The following AHI1 variants were observed in gnomAD, a reference collection of about 807,000 sequenced individuals.
The protein encoded by AHI1 is jouberin.
A neutral mutation model predicts 149.3 loss-of-function variants in AHI1; 123 were observed. That is an observed-to-expected ratio of 0.82 (90% confidence interval 0.71 to 0.96). The LOEUF (loss-of-function observed/expected upper bound fraction) is 0.96, where lower values mean the gene tolerates loss of function less well. Ranked by LOEUF, AHI1 falls within the 40% of genes least tolerant of loss-of-function variation. The pLI is 0.00. For synonymous variants in AHI1, 475 were observed against 459.8 expected (o/e 1.03, Z -0.42); for missense variants, 1,439 against 1,422.7 (o/e 1.01, Z -0.18).
intron 22 of AHI1, among the ~76,000 whole-genome samples, chr6:135,398,354 T>C (rs1236946117): frequency 6.6e-6 from 1 of 152,032 alleles, no homozygotes; most frequent in Non-Finnish European, 1.5e-5. Flanking sequence ...AGTGAAGGAT[T>C]TGGAAGACAA....
intron 22 of AHI1, among the ~76,000 whole-genome samples, chr6:135,395,290 T>C (rs1422567692): frequency 6.6e-6 from 1 of 151,984 alleles, no homozygotes; most frequent in Non-Finnish European, 1.5e-5. Context: ...TAGCAAGTAC[T>C]TCCTTTTCAG....
intron 20 of AHI1, among the ~76,000 whole-genome samples, chr6:135,425,531 T>C (rs184016785): frequency 4.2e-4 from 64 of 151,964 alleles, no homozygotes; most frequent in Admixed American, 3.4e-3. Context: ...TTCAATATTG[T>C]GCTTATCAAT....
At chr6:135,331,933 T>C (rs533039955) in intron 24 of AHI1, among the ~76,000 whole-genome samples, 2 of 152,302 alleles carry the variant, frequency 1.3e-5, no homozygotes, top group Admixed American at 6.5e-5. Flanking sequence ...AAGTTTGTGG[T>C]AGTTTGCTAC....
intron 13 of AHI1, among the ~76,000 whole-genome samples, chr6:135,446,790 G>C (rs1787303517): frequency 6.6e-6 from 1 of 152,132 alleles, no homozygotes; most frequent in African/African-American, 2.4e-5. Flanking sequence ...TAATACAATT[G>C]CCCAAGTGCC....
chr6:135,404,251 T>C (rs113184838), intron 22 of AHI1, among the ~76,000 whole-genome samples: 2,167 of 152,270 alleles, frequency 0.014, 56 homozygotes, highest in African/African-American at 0.048. Context: ...AACACCTAAA[T>C]TAAAAGTTAC....
intron 21 of AHI1, among the ~76,000 whole-genome samples, chr6:135,405,587 C>T (rs755829339): frequency 2.6e-5 from 4 of 151,968 alleles, no homozygotes; most frequent in East Asian, 1.9e-4. Context: ...TGGCCGGGTA[C>T]GGTGGCTCAC....
intron 21 of AHI1, among the ~76,000 whole-genome samples, chr6:135,409,672 G>C (rs886557250): frequency 1.3e-5 from 2 of 152,080 alleles, no homozygotes; most frequent in Non-Finnish European, 2.9e-5. Context: ...AGGTAGCTTA[G>C]TTCCTATGTA....
chr6:135,393,555 C>T (rs549618677), intron 23 of AHI1, among the ~76,000 whole-genome samples: 67 of 152,192 alleles, frequency 4.4e-4, no homozygotes, highest in African/African-American at 1.4e-3. Flanking sequence ...GTACATGACG[C>T]AGCTCCACTG....
intron 23 of AHI1, among the ~76,000 whole-genome samples, chr6:135,373,590 A>C (rs1467719510): frequency 6.6e-6 from 1 of 152,208 alleles, no homozygotes; most frequent in Admixed American, 6.5e-5. Flanking sequence ...TTTGTAGAAA[A>C]TCAGATCATG....
intron 20 of AHI1, among the ~76,000 whole-genome samples, chr6:135,419,062 C>T (rs1380934964): frequency 2.6e-5 from 4 of 151,640 alleles, no homozygotes; most frequent in Non-Finnish European, 5.9e-5. Flanking sequence ...ATTCTGGTAG[C>T]CTGTGTTTCA....
chr6:135,412,197 A>T (rs946560342), intron 20 of AHI1, among the ~76,000 whole-genome samples: 1 of 152,198 alleles, frequency 6.6e-6, no homozygotes, highest in Non-Finnish European at 1.5e-5. Flanking sequence ...TACTATAAAA[A>T]ATACAGTATG....
intron 3 of AHI1, chr6:135,492,708 C>T (rs1197943110): frequency 1.0e-6 from 1 of 985,220 alleles, no homozygotes; most frequent in Admixed American, 6.1e-5. Flanking sequence ...GTGGGTAGCA[C>T]ACTCACAGTG....
At chr6:135,343,110 A>G (rs1393558017) in intron 24 of AHI1, among the ~76,000 whole-genome samples, 3 of 152,042 alleles carry the variant, frequency 2.0e-5, no homozygotes, top group Middle Eastern at 3.4e-3. Context: ...CTCAGGATAC[A>G]TGAGCAATAT....
chr6:135,461,538 T>C (rs962754018), intron 8 of AHI1, among the ~76,000 whole-genome samples: 3 of 151,894 alleles, frequency 2.0e-5, no homozygotes, highest in Admixed American at 6.6e-5. Context: ...AAGCAAAAAA[T>C]ATACATAATC....
intron 23 of AHI1, among the ~76,000 whole-genome samples, chr6:135,378,415 C>T (rs1776250889): frequency 6.6e-6 from 1 of 152,100 alleles, no homozygotes; most frequent in Non-Finnish European, 1.5e-5. Flanking sequence ...TAAAGAGTTG[C>T]CTACAATTTT....
Position 135,433,229 on chromosome 6 carries a change from T to G in AHI1, c.2064A>C (p.Thr688=). 6.2e-7 allele frequency: 1 copy of G among 1,609,048 alleles called. No individual in the cohort carries two copies. Among genetic ancestry groups the G allele is most frequent in the Non-Finnish European group, 8.5e-7 (1 of 1,175,688 alleles). ...ARIWKNEINN[T]NTFRVLPHPS... ...GATGAGGTAAAACTCTGAAAGTATTTGTATTGTTTATTTCATTTTTCCATA... is the reference window on the plus strand; with the variant it reads ...GATGAGGTAAAACTCTGAAAGTATTGGTATTGTTTATTTCATTTTTCCATA... The change falls in exon 16 of 29, where the codon ACA becomes ACC. Residue 688 remains threonine (T), a synonymous_variant. Coordinates refer to ENST00000265602, the MANE Select transcript of AHI1 (RefSeq NM_001134831.2).
In AHI1 at chr6:135,433,126, G is replaced by A. The variant is rs761245375; in HGVS notation, c.2167C>T (p.Arg723Trp). Residue 723 changes from arginine (R) to tryptophan (W), a missense_variant, in exon 16 of 29, where the codon CGG (arginine) becomes TGG (tryptophan). Physicochemically the swap from Arg to Trp is moderately radical, Grantham distance 101. Transcript: ENST00000265602. ...VVTGCYDSMI[R>W]IWKVEMREDS... ...TCTCTCATCTCAACTTTCCATATCC[G>A]TATCATGGAATCATAGCATCCTGTA... The A allele has an allele frequency of 1.7e-5, 28 of 1,613,030 alleles. No homozygotes were observed. Among genetic ancestry groups the A allele is most frequent in the Middle Eastern group, 1.7e-4 (1 of 6,056 alleles).
intron 23 of AHI1, among the ~76,000 whole-genome samples, chr6:135,360,812 C>T (rs893130844): frequency 6.6e-6 from 1 of 152,022 alleles, no homozygotes; most frequent in African/African-American, 2.4e-5. Flanking sequence ...AATAAATCGA[C>T]CTATCAACAA....
chr6:135,466,028 CTT>C lies in AHI1; in HGVS notation c.533_534del (p.Glu178GlyfsTer3), dbSNP rs759593846. The stretch of plus-strand genomic sequence containing the variant: ...TCTTCATCCTCTTCTAAATCAGTCT[CTT>C]CTCTTCCCTCATTTGCCTTCTCACT... ...QKSEKANEGR[E>X]ETDLEEDEEL... On this transcript the variant is annotated frameshift_variant, in exon 7 of 29. Coordinates refer to ENST00000265602, the MANE Select transcript of AHI1 (RefSeq NM_001134831.2). LOFTEE classifies it high-confidence loss of function. The C allele has an allele frequency of 9.9e-6, 16 of 1,613,794 alleles. No homozygotes were observed. In the East Asian group the frequency reaches 3.6e-4, roughly 36 times the overall value.
Sources: gnomAD v4.1 joint callset for allele counts (sites outside exome capture counted in the v4.1 genomes callset) on GRCh38, gnomAD v4.1.1 for gene constraint, MANE v1.5 for transcripts, NCBI Gene and HGNC (gene_info 2026-07-23, HGNC 2026-07-21) for gene names.